The following CACNA2D3 variants were observed in gnomAD, a reference collection of about 807,000 sequenced individuals.
CACNA2D3 encodes the protein calcium voltage-gated channel auxiliary subunit alpha2delta 3.
In CACNA2D3, 60 loss-of-function variants were observed where a neutral mutation model predicts 160.6. The ratio of observed to expected loss-of-function variants is 0.37; its 90% CI spans 0.30 to 0.46. CACNA2D3 has a LOEUF of 0.46. Among genes scored for constraint, CACNA2D3 ranks in the 20% least tolerant of loss-of-function variants. The pLI, the probability that CACNA2D3 is intolerant of heterozygous loss-of-function variation, is 1.00. For missense variants in CACNA2D3, 1,205 were observed against 1,365.0 expected (o/e 0.88, Z 1.85); for synonymous variants, 558 against 492.9 (o/e 1.13, Z -1.75).
chr3:54,905,095 A>G (rs6772996), intron 27 of CACNA2D3, among the ~76,000 whole-genome samples: 19,220 of 152,194 alleles, frequency 0.13, 1,274 homozygotes, highest in African/African-American at 0.17. Flanking sequence ...CTCTTTTTAA[A>G]CAGCTTTATT....
intron 4 of CACNA2D3, among the ~76,000 whole-genome samples, chr3:54,420,539 C>T (rs1398202845): frequency 6.6e-6 from 1 of 152,210 alleles, no homozygotes; most frequent in African/African-American, 2.4e-5. Flanking sequence ...CCTGCCAGGT[C>T]CACTTCCAGT....
intron 27 of CACNA2D3, among the ~76,000 whole-genome samples, chr3:54,917,642 A>C (rs1175875285): frequency 6.6e-6 from 1 of 152,226 alleles, no homozygotes; most frequent in Non-Finnish European, 1.5e-5. Flanking sequence ...ACCTAAATTC[A>C]TTCCTGCTGT....
At chr3:54,463,930 G>A (rs940882915) in intron 4 of CACNA2D3, among the ~76,000 whole-genome samples, 7 of 152,050 alleles carry the variant, frequency 4.6e-5, no homozygotes, top group East Asian at 1.9e-4. Flanking sequence ...TGATGATGGC[G>A]ATGTACAGAT....
chr3:54,975,418 C>T (rs1702365419), intron 29 of CACNA2D3, among the ~76,000 whole-genome samples: 1 of 149,942 alleles, frequency 6.7e-6, no homozygotes, highest in Non-Finnish European at 1.5e-5. Flanking sequence ...ACTCAGGAGG[C>T]TGAAGCAGGA....
chr3:54,440,579 G>T (rs555378549), intron 4 of CACNA2D3, among the ~76,000 whole-genome samples: 10 of 151,966 alleles, frequency 6.6e-5, no homozygotes, highest in Admixed American at 5.9e-4. Flanking sequence ...CTGGTGTGCC[G>T]CACCCATTAA....
At position 54,917,046 on chromosome 3, in the gene CACNA2D3, C is replaced by T. The variant is rs531483957; in HGVS notation, c.2449+17178C>T. Among the ~76,000 whole-genome samples the T allele has an allele frequency of 7.9e-5, 12 of 152,306 alleles. No individual in the cohort carries two copies. In the South Asian group the frequency reaches 2.5e-3, roughly 32 times the overall value. ...TTTAACATGTCCATAACTTCTCTGTCCTCTCTTCTTGTGTAAAATGATTTT... is the reference window on the plus strand; with the variant it reads ...TTTAACATGTCCATAACTTCTCTGTTCTCTCTTCTTGTGTAAAATGATTTT... On this transcript the variant is annotated intron_variant, in intron 27 of 37. Coordinates refer to ENST00000474759, the MANE Select transcript of CACNA2D3 (RefSeq NM_018398.3).
At chr3:54,760,625 G>A (rs1289811491) in intron 12 of CACNA2D3, among the ~76,000 whole-genome samples, 1 of 152,164 alleles carries the variant, frequency 6.6e-6, no homozygotes, top group Non-Finnish European at 1.5e-5. Context: ...AGACTCTTGT[G>A]GACTCTGGGT....
chr3:54,552,242 T>C (rs570693380), intron 5 of CACNA2D3, among the ~76,000 whole-genome samples: 4 of 152,256 alleles, frequency 2.6e-5, no homozygotes, highest in African/African-American at 9.6e-5. Flanking sequence ...TCTATCTTCA[T>C]CCATCCTGCC....
Position 54,764,350 on chromosome 3 carries a change from C to T in CACNA2D3, c.1379C>T (p.Thr460Ile), listed in dbSNP as rs748723606. 6.2e-7 allele frequency: 1 copy of T among 1,613,790 alleles called. No homozygotes were observed. Among genetic ancestry groups the T allele is most frequent in the South Asian group, 1.1e-5 (1 of 91,062 alleles). The change falls in exon 13 of 38, where the codon ACT becomes ATT. Residue 460 changes from threonine (T) to isoleucine (I), a missense_variant and splice_region_variant. This residue lies in a region of CACNA2D3 where 911 missense variants were observed against 1,002.2 expected (regional missense o/e 0.91). Transcript: ENST00000474759. ...TGGACCGAAGCTTACATTGACAGCA[C>T]TGTGAGTCCACGGGGCCCTGGGAAA... is the stretch of plus-strand genomic sequence containing the variant. ...VVWTEAYIDS[T>I]LPQAQKLTDD... is the part of the protein sequence containing the mutation.
At chr3:54,840,719 A>AT (rs35529003) in intron 16 of CACNA2D3, among the ~76,000 whole-genome samples, 21,237 of 85,716 alleles carry the variant, frequency 0.25, 2,808 homozygotes, top group Non-Finnish European at 0.28. Context: ...AAGAGCCATG[A>AT]TTTTTTTTTT....
At chr3:54,605,295 C>T (rs1349476265) in intron 9 of CACNA2D3, among the ~76,000 whole-genome samples, 1 of 152,182 alleles carries the variant, frequency 6.6e-6, no homozygotes, top group Non-Finnish European at 1.5e-5. Context: ...GTGGGGGACA[C>T]AATTCAACCC....
intron 5 of CACNA2D3, among the ~76,000 whole-genome samples, chr3:54,521,794 A>T (rs1701650100): frequency 6.6e-6 from 1 of 152,158 alleles, no homozygotes; most frequent in African/African-American, 2.4e-5. Context: ...CAGTTGTCTC[A>T]GCATGGTTTG....
intron 5 of CACNA2D3, among the ~76,000 whole-genome samples, chr3:54,506,213 A>G (rs1013106109): frequency 1.3e-5 from 2 of 151,752 alleles, no homozygotes; most frequent in Non-Finnish European, 2.9e-5. Flanking sequence ...AATATATTTT[A>G]TGTTTAGAAG....
At chr3:54,347,132 T>A (rs1698473765) in intron 3 of CACNA2D3, among the ~76,000 whole-genome samples, 1 of 152,218 alleles carries the variant, frequency 6.6e-6, no homozygotes. Context: ...GACAGCACTG[T>A]GCTGCATATT....
At chr3:54,877,597 A>G (rs986296664) in intron 18 of CACNA2D3, among the ~76,000 whole-genome samples, 5 of 152,184 alleles carry the variant, frequency 3.3e-5, no homozygotes, top group Admixed American at 1.3e-4. Context: ...CTACAGTGCC[A>G]TCCTGCTTCA....
chr3:55,059,426 C>A (rs1208175795), intron 35 of CACNA2D3, among the ~76,000 whole-genome samples: 2 of 152,194 alleles, frequency 1.3e-5, no homozygotes, highest in African/African-American at 4.8e-5. Context: ...ACCCCCCTCG[C>A]AGGAAGTGCA....
intron 3 of CACNA2D3, among the ~76,000 whole-genome samples, chr3:54,358,548 A>G (rs1022389404): frequency 6.6e-6 from 1 of 152,206 alleles, no homozygotes; most frequent in Admixed American, 6.5e-5. Flanking sequence ...AGAGGCCTGC[A>G]GAGGGAGAAC....
chr3:54,260,412 G>A (rs1037216713), intron 2 of CACNA2D3, among the ~76,000 whole-genome samples: 1 of 152,208 alleles, frequency 6.6e-6, no homozygotes, highest in African/African-American at 2.4e-5. Flanking sequence ...GGGCCTTCTT[G>A]CTGTGTCATA....
rs534189837 is a variant in CACNA2D3, at chr3:54,145,706, C to T, written c.204+22112C>T. 2.6e-5 allele frequency among the ~76,000 whole-genome samples: 4 copies of T among 152,306 alleles called. No individual in the cohort carries two copies. In the East Asian group the frequency reaches 7.7e-4, roughly 29 times the overall value. On this transcript the variant is annotated intron_variant, in intron 2 of 37. Transcript: ENST00000474759. ...TGCAGGGCGCAGCATCCAGAGACTGCATGAAGTCGACAAGTGAGATAGACC... is the reference window on the plus strand; with the variant it reads ...TGCAGGGCGCAGCATCCAGAGACTGTATGAAGTCGACAAGTGAGATAGACC...
Sources: allele counts gnomAD v4.1 joint callset (sites outside exome capture counted in the v4.1 genomes callset), GRCh38; gene constraint gnomAD v4.1.1; regional missense constraint gnomAD v4.1.1; transcripts MANE v1.5; gene names NCBI Gene and HGNC (gene_info 2026-07-23, HGNC 2026-07-21).